DSCAM: variants seen among roughly 807,000 people sequenced by gnomAD.
The protein encoded by DSCAM is DS cell adhesion molecule, also known as cell adhesion molecule DSCAM.
A neutral mutation model predicts 217.7 loss-of-function variants in DSCAM; 47 were observed. That is an observed-to-expected ratio of 0.22 (90% confidence interval 0.17 to 0.28). The LOEUF is 0.28. Among genes scored for constraint, DSCAM ranks in the 10% least tolerant of loss-of-function variants. DSCAM has a pLI of 1.00. For synonymous variants in DSCAM, 1,056 were observed against 1,015.3 expected (o/e 1.04, Z -0.76); for missense variants, 2,080 against 2,618.3 (o/e 0.79, Z 4.49).
At chr21:40,104,798 A>AG (rs2089797841) in intron 20 of DSCAM, among the ~76,000 whole-genome samples, 1 of 152,172 alleles carries the variant, frequency 6.6e-6, no homozygotes, top group Non-Finnish European at 1.5e-5. Context: ...CAGTAGGGGC[A>AG]GGGGCATTTG....
intron 1 of DSCAM, among the ~76,000 whole-genome samples, chr21:40,718,772 T>C (rs182841025): frequency 3.8e-4 from 58 of 152,244 alleles, no homozygotes; most frequent in Admixed American, 2.6e-4. Context: ...TGACAAAAGA[T>C]TTGTACCCAA....
At chr21:40,457,146 G>T (rs1426063858) in intron 3 of DSCAM, among the ~76,000 whole-genome samples, 1 of 152,122 alleles carries the variant, frequency 6.6e-6, no homozygotes, top group South Asian at 2.1e-4. Flanking sequence ...GTTAATTTGG[G>T]GAGTGGCATA....
At chr21:40,598,215 C>T (rs1265356464) in intron 3 of DSCAM, among the ~76,000 whole-genome samples, 1 of 152,162 alleles carries the variant, frequency 6.6e-6, no homozygotes, top group East Asian at 1.9e-4. Flanking sequence ...GTGGCTTTTT[C>T]AGACTTGCTT....
chr21:40,204,130 T>C lies in DSCAM; in HGVS notation c.2357-14892A>G, dbSNP rs75301911. 7.0e-3 allele frequency among the ~76,000 whole-genome samples: 1,062 copies of C among 152,344 alleles called. 17 individuals carry two copies. The highest frequency in any genetic ancestry group is 0.025 in the African/African-American group (1,023 of 41,582). On this transcript the variant is annotated intron_variant, in intron 11 of 32. Transcript: ENST00000400454. ...TGATGGTCTGCTTACTTTCCAAGAA[T>C]AGGGTTCCCAGTGGTGTTTTCAAAG...
At chr21:40,820,897 T>C (rs1237572532) in intron 1 of DSCAM, among the ~76,000 whole-genome samples, 1 of 152,012 alleles carries the variant, frequency 6.6e-6, no homozygotes, top group Non-Finnish European at 1.5e-5. Flanking sequence ...TAATTTATTA[T>C]GCTTTTAACT....
chr21:40,258,856 C>T (rs969891391), intron 11 of DSCAM, among the ~76,000 whole-genome samples: 14 of 152,230 alleles, frequency 9.2e-5, no homozygotes, highest in African/African-American at 2.4e-4. Flanking sequence ...TGTGAGGTCC[C>T]GTTCCAGCCA....
At chr21:40,780,430 T>TATATATAC (rs2091532909) in intron 1 of DSCAM, among the ~76,000 whole-genome samples, 1 of 138,444 alleles carries the variant, frequency 7.2e-6, no homozygotes, top group Non-Finnish European at 1.6e-5. Context: ...TGTGTATATA[T>TATATATAC]ATATATATAT....
At chr21:40,415,820 G>A (rs897335130) in intron 3 of DSCAM, among the ~76,000 whole-genome samples, 3 of 151,986 alleles carry the variant, frequency 2.0e-5, no homozygotes, top group Admixed American at 6.6e-5. Flanking sequence ...AACCCCTGCC[G>A]CAATCCCTAT....
At chr21:40,741,175 A>G (rs1475902193) in intron 1 of DSCAM, among the ~76,000 whole-genome samples, 1 of 152,206 alleles carries the variant, frequency 6.6e-6, no homozygotes, top group African/African-American at 2.4e-5. Flanking sequence ...TGAGACTCTG[A>G]CATGCTGAAA....
chr21:40,815,041 A>G (rs1301131642), intron 1 of DSCAM, among the ~76,000 whole-genome samples: 1 of 152,232 alleles, frequency 6.6e-6, no homozygotes. Flanking sequence ...GATCTGCTTC[A>G]GAAAGAAGAT....
At chr21:40,809,511 T>C (rs1172450107) in intron 1 of DSCAM, among the ~76,000 whole-genome samples, 1 of 152,136 alleles carries the variant, frequency 6.6e-6, no homozygotes, top group Non-Finnish European at 1.5e-5. Context: ...GTTATGTAAA[T>C]TATCGCTCAA....
At chr21:40,485,390 C>A (rs901182791) in intron 3 of DSCAM, among the ~76,000 whole-genome samples, 1 of 151,852 alleles carries the variant, frequency 6.6e-6, no homozygotes, top group Non-Finnish European at 1.5e-5. Flanking sequence ...CTACAGGCGC[C>A]CGCCACCGCG....
In DSCAM at chr21:40,834,910, G is replaced by A. The variant is rs139794030; in HGVS notation, c.43+11709C>T. 3.2e-4 allele frequency among the ~76,000 whole-genome samples: 48 copies of A among 152,266 alleles called. 1 individual carries two copies. In the South Asian group the frequency reaches 8.3e-3, roughly 26 times the overall value. On this transcript the variant is annotated intron_variant, in intron 1 of 32. Transcript: ENST00000400454. ...ACAAGATGGAGAGAGGTGAAATGCCGACTGCTCCTCCATTTCTTGCAAATG... is the reference window on the plus strand; with the variant it reads ...ACAAGATGGAGAGAGGTGAAATGCCAACTGCTCCTCCATTTCTTGCAAATG...
At chr21:40,049,638 T>C (rs909151420) in intron 30 of DSCAM, among the ~76,000 whole-genome samples, 1 of 152,234 alleles carries the variant, frequency 6.6e-6, no homozygotes, top group Non-Finnish European at 1.5e-5. Context: ...CTGAGCCATA[T>C]ACGTAAAGTG....
chr21:40,498,261 G>A (rs1483591549), intron 3 of DSCAM, among the ~76,000 whole-genome samples: 1 of 152,020 alleles, frequency 6.6e-6, no homozygotes, highest in South Asian at 2.1e-4. Context: ...CCACCATTAC[G>A]AGCTGAGTAA....
chr21:40,095,309 AAGATG>A (rs1009762284), intron 20 of DSCAM, among the ~76,000 whole-genome samples: 1 of 152,254 alleles, frequency 6.6e-6, no homozygotes, highest in Admixed American at 6.5e-5. Flanking sequence ...TATATAATTA[AAGATG>A]AGATTTGGCT....
At chr21:40,763,625 C>T (rs992117177) in intron 1 of DSCAM, among the ~76,000 whole-genome samples, 1 of 152,188 alleles carries the variant, frequency 6.6e-6, no homozygotes, top group Non-Finnish European at 1.5e-5. Context: ...AAAAAAGAGC[C>T]TGTGTAGCCA....
chr21:40,553,705 T>C (rs543465879), intron 3 of DSCAM, among the ~76,000 whole-genome samples: 4 of 152,336 alleles, frequency 2.6e-5, no homozygotes, highest in Non-Finnish European at 4.4e-5. Context: ...CAAAAGTATA[T>C]TGCAAACACC....
chr21:40,419,892 A>G (rs1329773912), intron 3 of DSCAM, among the ~76,000 whole-genome samples: 1 of 152,168 alleles, frequency 6.6e-6, no homozygotes, highest in Non-Finnish European at 1.5e-5. Flanking sequence ...AAACCCATAG[A>G]TACTTTTTTA....
Sources: allele counts gnomAD v4.1 joint callset (sites outside exome capture counted in the v4.1 genomes callset), GRCh38; gene constraint gnomAD v4.1.1; transcripts MANE v1.5; gene names NCBI Gene and HGNC (gene_info 2026-07-23, HGNC 2026-07-21).